The following LSS variants were observed in gnomAD, a reference collection of about 807,000 sequenced individuals.
LSS encodes the protein 2,3-epoxysqualene-lanosterol cyclase.
LSS carries 90 observed loss-of-function variants against 110.3 expected under a neutral mutation model. The ratio of observed to expected loss-of-function variants is 0.82; its 90% CI spans 0.69 to 0.97. The LOEUF is 0.97. Among genes scored for constraint, LSS ranks in the 50% least tolerant of loss-of-function variants. LSS has a pLI of 0.00. For synonymous variants in LSS, 433 were observed against 400.0 expected (o/e 1.08, Z -0.98); for missense variants, 927 against 990.0 (o/e 0.94, Z 0.85).
chr21:46,190,972 A>C lies in LSS; in HGVS notation c.*132T>G. The stretch of plus-strand genomic sequence containing the variant: ...CATCCCTGCCTCCAGCCTGGCCCCC[A>C]GATTCACATCTATGAGATAGAGGTT... On this transcript the variant is annotated 3_prime_UTR_variant, in exon 22 of 22. Coordinates refer to ENST00000397728, the MANE Select transcript of LSS (RefSeq NM_002340.6). The surrounding 1 kb of genome is among the most constrained non-coding windows in gnomAD (Gnocchi z 4.6). The C allele has an allele frequency of 9.2e-7, 1 of 1,087,404 alleles. No homozygotes were observed. 67.4% of individuals were successfully genotyped at this position (1,087,404 alleles called of 1,614,324 possible). A position where few individuals can be genotyped will look rare whatever the true frequency, so the allele number is the denominator to read the frequency against.
rs191628208 is a variant in LSS, at chr21:46,194,290, C to T, written c.1988+201G>A. ...AGAGGCGAGCCTCTCTGCAGGGCCCCACTTGGTCAGAGCAGCCCACGTTCT... is the reference window on the plus strand; with the variant it reads ...AGAGGCGAGCCTCTCTGCAGGGCCCTACTTGGTCAGAGCAGCCCACGTTCT... On this transcript the variant is annotated intron_variant, in intron 20 of 21. Transcript: ENST00000397728. 9.8e-5 allele frequency among the ~76,000 whole-genome samples: 15 copies of T among 152,328 alleles called. 1 individual carries two copies. Among genetic ancestry groups the T allele is most frequent in the East Asian group, 3.9e-4 (2 of 5,190 alleles).
In LSS at chr21:46,228,586, G is replaced by C. The variant is rs756748789; in HGVS notation, c.28C>G (p.Arg10Gly). The change falls in exon 2 of 22, where the codon CGA becomes GGA. Residue 10 changes from arginine (R) to glycine (G), a missense_variant. By Grantham distance (125) the Arg-to-Gly change is moderately radical. Transcript: ENST00000397728. MTEGTCLRRRGGPYKTEPAT... is the reference protein window; with the variant it reads MTEGTCLRRGGGPYKTEPAT... Reference sequence around the variant, plus strand: ...GGCTCGGTCTTGTAGGGGCCCCCTCGGCGCCGCAGACACCTGAGGACCACC... The same window carrying C: ...GGCTCGGTCTTGTAGGGGCCCCCTCCGCGCCGCAGACACCTGAGGACCACC... The C allele has an allele frequency of 3.1e-5, 50 of 1,591,610 alleles. No individual in the cohort carries two copies. Among genetic ancestry groups the C allele is most frequent in the Non-Finnish European group, 4.0e-5 (47 of 1,175,846 alleles).
intron 10 of LSS, 62 bp downstream of exon 10, chr21:46,213,676 C>T: frequency 6.9e-7 from 1 of 1,454,854 alleles, no homozygotes; most frequent in African/African-American, 1.4e-5. Context: ...CACTGGGATG[C>T]AGCTGGGGCT....
At chr21:46,213,648 G>T in intron 10 of LSS, 90 bp downstream of exon 10, 1 of 1,013,136 alleles carries the variant, frequency 9.9e-7, no homozygotes, top group Non-Finnish European at 1.5e-6. Flanking sequence ...TTCCCAGATG[G>T]CACCGTGGGG....
chr21:46,192,543 CAT>C (rs1414348744), intron 20 of LSS: 14 of 411,450 alleles, frequency 3.4e-5, no homozygotes, highest in Non-Finnish European at 6.4e-5. Flanking sequence ...GGTGCCTGTG[CAT>C]GTGTACATGT....
At chr21:46,208,220 C>G in intron 14 of LSS, 31 bp downstream of exon 14, 3 of 1,549,622 alleles carry the variant, frequency 1.9e-6, no homozygotes, top group Non-Finnish European at 2.6e-6. Flanking sequence ...CCCTGGGGGA[C>G]GGGACAGGGA....
chr21:46,200,820 A>G (rs1473220037), intron 17 of LSS, among the ~76,000 whole-genome samples: 2 of 152,268 alleles, frequency 1.3e-5, no homozygotes, highest in Non-Finnish European at 2.9e-5. Flanking sequence ...CATAAAGGAC[A>G]TTATTGGAAC....
chr21:46,207,651 C>T (rs1208800827), intron 14 of LSS, 74 bp from the exon 15 acceptor site: 10 of 1,498,224 alleles, frequency 6.7e-6, no homozygotes, highest in Admixed American at 2.0e-5. Context: ...CACAGCCGCA[C>T]GCATCCCTCC....
Position 46,228,522 on chromosome 21 carries a change from C to T in LSS, c.92G>A (p.Arg31Lys), listed in dbSNP as rs199791898. Residue 31 changes from arginine (R) to lysine (K), a missense_variant, in exon 2 of 22, where the codon AGG (arginine) becomes AAG (lysine). Coordinates refer to ENST00000397728, the MANE Select transcript of LSS (RefSeq NM_002340.6). ...DLGRWRLNCE[R>K]GRQTWTYLQD... ...CAGGTAGGTCCACGTCTGCCGGCCCCTCTCGCAGTTGAGTCGCCAGCGGCC... is the reference window on the plus strand; with the variant it reads ...CAGGTAGGTCCACGTCTGCCGGCCCTTCTCGCAGTTGAGTCGCCAGCGGCC... The T allele has an allele frequency of 7.7e-4, 1,231 of 1,601,056 alleles. 10 individuals are homozygous for T. The African/African-American group carries it at 0.014, about 19-fold the overall frequency.
chr21:46,225,740 C>G (rs1367818395), intron 3 of LSS, among the ~76,000 whole-genome samples: 5 of 152,190 alleles, frequency 3.3e-5, no homozygotes, highest in Non-Finnish European at 5.9e-5. Flanking sequence ...TCTGCCTCGG[C>G]TGCCAGGCAG....
chr21:46,225,853 A>G (rs555178261), intron 3 of LSS, among the ~76,000 whole-genome samples: 3 of 152,050 alleles, frequency 2.0e-5, no homozygotes, highest in South Asian at 4.2e-4. Context: ...TATCCAATAA[A>G]TATCAGCGCA....
Position 46,191,242 on chromosome 21 carries a change from G to C in LSS, c.2068-7C>G, listed in dbSNP as rs769523594. 2 of 1,613,890 alleles carry C rather than the reference G, an allele frequency of 1.2e-6. No individual in the cohort carries two copies. The highest frequency in any genetic ancestry group is 1.3e-5 in the African/African-American group (1 of 74,932). Reference sequence around the variant, plus strand: ...AGACCCCAGCAATGTTTTCCTAAAAGAACACAGAGAAATAAACACAAAGGC... The same window carrying C: ...AGACCCCAGCAATGTTTTCCTAAAACAACACAGAGAAATAAACACAAAGGC... On this transcript the variant is annotated splice_region_variant and splice_polypyrimidine_tract_variant and intron_variant, in intron 21 of 21. Transcript: ENST00000397728.
intron 3 of LSS, among the ~76,000 whole-genome samples, chr21:46,223,792 G>A (rs957095217): frequency 5.1e-4 from 77 of 152,196 alleles, no homozygotes; most frequent in African/African-American, 4.8e-5. Flanking sequence ...ATGCCCGGAC[G>A]GGGCCAGCAA....
chr21:46,211,002 C>G (rs764860603), intron 11 of LSS, among the ~76,000 whole-genome samples: 63 of 152,228 alleles, frequency 4.1e-4, no homozygotes, highest in Non-Finnish European at 7.8e-4. Flanking sequence ...AGGACAGTGT[C>G]CCTCTGAGGA....
Position 46,189,086 on chromosome 21 carries a change from A to C in LSS, c.*2018T>G. The C allele has an allele frequency of 3.8e-6, 1 of 262,130 alleles. No homozygotes were observed. The highest frequency in any genetic ancestry group is 7.6e-6 in the Non-Finnish European group (1 of 131,358). 16.2% of individuals were successfully genotyped at this position (262,130 alleles called of 1,614,324 possible). A position where few individuals can be genotyped will look rare whatever the true frequency, so the allele number is the denominator to read the frequency against. ...TGACAGCCAGAAACCCCAAATCTGC[A>C]GTTCTCCCCAGGATGAAACGAAACA... On this transcript the variant is annotated 3_prime_UTR_variant, in exon 22 of 22. Coordinates refer to ENST00000397728, the MANE Select transcript of LSS (RefSeq NM_002340.6).
intron 3 of LSS, among the ~76,000 whole-genome samples, chr21:46,225,572 G>A (rs1439153453): frequency 6.6e-6 from 1 of 152,238 alleles, no homozygotes; most frequent in Non-Finnish European, 1.5e-5. Context: ...CTGTGATGCT[G>A]TGCTTCAGTG....
chr21:46,203,050 C>T (rs182363413), intron 17 of LSS, among the ~76,000 whole-genome samples: 21 of 152,204 alleles, frequency 1.4e-4, no homozygotes, highest in African/African-American at 4.8e-4. Flanking sequence ...AATCCCACCA[C>T]TCTGTGAGGC....
chr21:46,227,847 G>C (rs1018920883), intron 2 of LSS, among the ~76,000 whole-genome samples, 157 bp from the exon 3 acceptor site: 1 of 152,234 alleles, frequency 6.6e-6, no homozygotes, highest in Non-Finnish European at 1.5e-5. Context: ...TCTTTGATGA[G>C]AGCATCACAC....
At chr21:46,208,746 C>T (rs908645153) in intron 13 of LSS, among the ~76,000 whole-genome samples, 2 of 152,212 alleles carry the variant, frequency 1.3e-5, no homozygotes, top group African/African-American at 4.8e-5. Flanking sequence ...CTCCCCAAGT[C>T]CCCATCACCC....
Sources: allele counts gnomAD v4.1 joint callset (sites outside exome capture counted in the v4.1 genomes callset), GRCh38; gene constraint gnomAD v4.1.1; non-coding constraint Gnocchi (gnomAD v3.1); transcripts MANE v1.5; gene names NCBI Gene and HGNC (gene_info 2026-07-23, HGNC 2026-07-21).